ERBB4: variants seen among roughly 807,000 people sequenced by gnomAD.
ERBB4 encodes the protein receptor tyrosine-protein kinase erbB-4.
ERBB4 carries 42 observed loss-of-function variants against 158.0 expected under a neutral mutation model. The observed-to-expected ratio is 0.27, with a 90% CI of 0.21 to 0.34. The LOEUF is 0.34. Ranked by LOEUF, ERBB4 falls within the 10% of genes least tolerant of loss-of-function variation. The pLI is 1.00. For missense variants in ERBB4, 1,333 were observed against 1,624.1 expected (o/e 0.82, Z 3.08); for synonymous variants, 583 against 558.7 (o/e 1.04, Z -0.61).
At chr2:211,758,126 C>G (rs2075327119) in intron 4 of ERBB4, among the ~76,000 whole-genome samples, 1 of 152,154 alleles carries the variant, frequency 6.6e-6, no homozygotes, top group Non-Finnish European at 1.5e-5. Context: ...GAAGGACTAA[C>G]AGTTAGAAAT....
intron 1 of ERBB4, among the ~76,000 whole-genome samples, chr2:212,353,986 G>A (rs1358651440): frequency 6.6e-6 from 1 of 152,096 alleles, no homozygotes; most frequent in Non-Finnish European, 1.5e-5. Context: ...AAGAGTAGCT[G>A]ACCTATACTG....
chr2:211,749,996 A>G (rs1354964475), intron 5 of ERBB4, among the ~76,000 whole-genome samples: 2 of 152,166 alleles, frequency 1.3e-5, no homozygotes, highest in Admixed American at 1.3e-4. Flanking sequence ...GTACTAAACA[A>G]CATTAAGAAT....
At chr2:212,129,079 A>T (rs533300742) in intron 1 of ERBB4, among the ~76,000 whole-genome samples, 1 of 152,006 alleles carries the variant, frequency 6.6e-6, no homozygotes, top group African/African-American at 2.4e-5. Flanking sequence ...ATGAGGATGA[A>T]CATATTTTAG....
In ERBB4 at chr2:211,462,252, ACACACTATCATGAGCAGCAC is replaced by A. The variant is rs1354702345; in HGVS notation, c.2488-31172_2488-31153del. On this transcript the variant is annotated intron_variant, in intron 20 of 27. Transcript: ENST00000342788. ...TTTAAACAATCAGATCTCATAACTC[ACACACTATCATGAGCAGCAC>A]TGAGGGATACCTGCCCCCATGATCC... Among the ~76,000 whole-genome samples the A allele has an allele frequency of 2.0e-4, 31 of 152,128 alleles. 1 individual carries two copies. Among genetic ancestry groups the A allele is most frequent in the African/African-American group, 7.0e-4 (29 of 41,518 alleles).
rs546523409 is a variant in ERBB4 at position 211,661,567 on chromosome 2, A to G, written c.1872-3739T>C. On this transcript the variant is annotated intron_variant, in intron 15 of 27. Coordinates refer to ENST00000342788, the MANE Select transcript of ERBB4 (RefSeq NM_005235.3). The stretch of plus-strand genomic sequence containing the variant: ...TCCTTGATGTACTCATTTAACCAAC[A>G]TAGTTTAGATATTTTGATAAAATCT... Among the ~76,000 whole-genome samples the G allele has an allele frequency of 2.4e-4, 36 of 152,302 alleles. 1 individual carries two copies. In the South Asian group the frequency reaches 7.5e-3, roughly 32 times the overall value.
At chr2:212,060,691 T>A (rs1575582883) in intron 2 of ERBB4, among the ~76,000 whole-genome samples, 1 of 149,046 alleles carries the variant, frequency 6.7e-6, no homozygotes. Flanking sequence ...ACCATCATTC[T>A]CAGCAAATTA....
At chr2:212,273,488 C>A (rs982083777) in intron 1 of ERBB4, among the ~76,000 whole-genome samples, 3 of 151,800 alleles carry the variant, frequency 2.0e-5, no homozygotes, top group African/African-American at 7.2e-5. Context: ...ATAGCACTTA[C>A]TACAAGCCAG....
intron 3 of ERBB4, among the ~76,000 whole-genome samples, chr2:211,910,248 C>T (rs546509291): frequency 6.6e-6 from 1 of 151,420 alleles, no homozygotes; most frequent in South Asian, 2.1e-4. Flanking sequence ...TTCATATTTG[C>T]AGATGATTAG....
At chr2:212,398,476 C>T (rs950743295) in intron 1 of ERBB4, among the ~76,000 whole-genome samples, 1 of 152,134 alleles carries the variant, frequency 6.6e-6, no homozygotes, top group East Asian at 1.9e-4. Context: ...TCCTAACAAA[C>T]ACGCTCATCC....
chr2:212,191,939 G>T (rs1017454469), intron 1 of ERBB4, among the ~76,000 whole-genome samples: 1 of 110,488 alleles, frequency 9.1e-6, no homozygotes, highest in African/African-American at 3.3e-5. Context: ...TATTATATAT[G>T]ATGCATATGT....
At chr2:211,840,865 A>G (rs555929555) in intron 3 of ERBB4, among the ~76,000 whole-genome samples, 1 of 152,196 alleles carries the variant, frequency 6.6e-6, no homozygotes, top group South Asian at 2.1e-4. Context: ...GTTCTCAACA[A>G]TGGGGTATGC....
chr2:211,422,111 A>G lies in ERBB4; in HGVS notation c.2867-7T>C, dbSNP rs774636468. ...TCAGCATCAATCATCCAACCTGGAA[A>G]TTTACACAGTGAAAATGTCACTATA... On this transcript the variant is annotated splice_polypyrimidine_tract_variant and splice_region_variant and intron_variant, in intron 23 of 27. Transcript: ENST00000342788. The G allele has an allele frequency of 6.4e-7, 1 of 1,564,570 alleles. No individual in the cohort carries two copies. Among genetic ancestry groups the G allele is most frequent in the South Asian group, 1.1e-5 (1 of 90,102 alleles).
At chr2:211,461,212 T>C (rs1262706272) in intron 20 of ERBB4, among the ~76,000 whole-genome samples, 2 of 152,196 alleles carry the variant, frequency 1.3e-5, no homozygotes, top group East Asian at 3.8e-4. Context: ...TTTAAATTAT[T>C]GTAAGATAAA....
intron 20 of ERBB4, among the ~76,000 whole-genome samples, chr2:211,490,576 G>C (rs955165840): frequency 6.6e-6 from 1 of 152,024 alleles, no homozygotes; most frequent in Non-Finnish European, 1.5e-5. Flanking sequence ...GAGCGACCTA[G>C]AGAGAGACTT....
chr2:212,098,987 A>G (rs1001893708), intron 2 of ERBB4, among the ~76,000 whole-genome samples: 1 of 151,896 alleles, frequency 6.6e-6, no homozygotes, highest in Admixed American at 6.6e-5. Context: ...TGCATATTAA[A>G]AGGCTACTGC....
chr2:211,575,217 G>C (rs1231195215), intron 19 of ERBB4, among the ~76,000 whole-genome samples: 1 of 152,144 alleles, frequency 6.6e-6, no homozygotes, highest in African/African-American at 2.4e-5. Context: ...GATTATCCTA[G>C]TGTCCATAGG....
chr2:211,691,556 G>C lies in ERBB4; in HGVS notation c.1489+10411C>G, dbSNP rs2072815848. On this transcript the variant is annotated intron_variant, in intron 12 of 27. Transcript: ENST00000342788. The stretch of plus-strand genomic sequence containing the variant: ...ACAGGCTGCACATAAATTTATGTAT[G>C]CATAGAAACATATGTGTGTGTGTGT... Among the ~76,000 whole-genome samples the C allele has an allele frequency of 2.2e-5, 3 of 139,528 alleles. No homozygotes were observed. In the South Asian group the frequency reaches 6.9e-4, roughly 32 times the overall value. 91.5% of individuals were successfully genotyped at this position (139,528 alleles called of 152,430 possible).
chr2:211,696,311 A>T (rs1350902118), intron 12 of ERBB4, among the ~76,000 whole-genome samples: 1 of 151,968 alleles, frequency 6.6e-6, no homozygotes, highest in Non-Finnish European at 1.5e-5. Flanking sequence ...GGGTTTCACC[A>T]TATTGGCCAA....
At chr2:212,144,211 T>C (rs2080586399) in intron 1 of ERBB4, among the ~76,000 whole-genome samples, 3 of 152,132 alleles carry the variant, frequency 2.0e-5, no homozygotes, top group African/African-American at 7.2e-5. Flanking sequence ...TCAAATGATA[T>C]GTATACTCAC....
Sources: gnomAD v4.1 joint callset for allele counts (sites outside exome capture counted in the v4.1 genomes callset) on GRCh38, gnomAD v4.1.1 for gene constraint, MANE v1.5 for transcripts, NCBI Gene and HGNC (gene_info 2026-07-23, HGNC 2026-07-21) for gene names.